Variants in PRKD2 observed in about 807,000 individuals in gnomAD.
The protein encoded by PRKD2 is serine/threonine-protein kinase D2.
In PRKD2, 22 loss-of-function variants were observed where a neutral mutation model predicts 86.0. The observed-to-expected ratio is 0.26, with a 90% CI of 0.18 to 0.37. The LOEUF (loss-of-function observed/expected upper bound fraction) is 0.37, where lower values mean the gene tolerates loss of function less well. Ranked by LOEUF, PRKD2 falls within the 10% of genes least tolerant of loss-of-function variation. The pLI is 1.00. For missense variants in PRKD2, 818 were observed against 1,199.2 expected (o/e 0.68, Z 4.70); for synonymous variants, 509 against 510.9 (o/e 1.00, Z 0.05).
chr19:46,691,692 C>G (rs764138138), intron 12 of PRKD2, 43 bp downstream of exon 12: 1 of 1,600,806 alleles, frequency 6.2e-7, no homozygotes, highest in Non-Finnish European at 8.5e-7. Flanking sequence ...GCAGCTTCCC[C>G]CAGCCCGGGG....
rs150056935 is a variant in PRKD2, at chr19:46,704,539, G to A, written c.622C>T (p.Arg208Cys). 267 of 1,614,124 alleles carry A rather than the reference G, an allele frequency of 1.7e-4. 2 individuals carry two copies. In the African/African-American group the frequency reaches 3.1e-3, roughly 19 times the overall value. ...GGCAGGGACTCGGAGGTGCCGAGGC[G>A]CACCGAGTGGCCACTGGCCAGAGAC... is the stretch of plus-strand genomic sequence containing the variant. ...STSLASGHSV[R>C]LGTSESLPCT... The change falls in exon 4 of 18, where the codon CGC (arginine) becomes TGC (cysteine). Residue 208 changes from arginine (R) to cysteine (C), a missense_variant. By Grantham distance (180) the Arg-to-Cys change is radical (BLOSUM62 -3). Around this residue, in one of 5 missense-constraint regions of PRKD2, gnomAD observed 403 missense variants for 518.6 expected, o/e 0.78. Transcript: ENST00000291281.
chr19:46,701,139 G>C, intron 5 of PRKD2, 27 bp from the exon 6 acceptor site: 1 of 1,607,054 alleles, frequency 6.2e-7, no homozygotes, highest in Non-Finnish European at 8.5e-7. Context: ...CAAGGGAACG[G>C]GTGAGAAGGG....
chr19:46,697,050 G>A, intron 9 of PRKD2, 107 bp downstream of exon 9: 2 of 923,102 alleles, frequency 2.2e-6, no homozygotes, highest in Non-Finnish European at 3.6e-6. Flanking sequence ...GTGGGCAGAG[G>A]GTGTGATTTG....
At chr19:46,700,351 T>C (rs112667889) in intron 7 of PRKD2, among the ~76,000 whole-genome samples, 14,933 of 151,618 alleles carry the variant, frequency 0.098, 1,909 homozygotes, top group African/African-American at 0.3. Context: ...ATCACACCAC[T>C]GCACTCCAGT....
In PRKD2 at chr19:46,711,070, G is replaced by A. The variant is rs535731606; in HGVS notation, c.380-32C>T. The A allele has an allele frequency of 7.1e-6, 11 of 1,555,410 alleles. No homozygotes were observed. In the South Asian group the frequency reaches 1.3e-4, roughly 18 times the overall value. Reference sequence around the variant, plus strand: ...GCGGAAAATAGGGGTGGATGCTTGAGGCGGGGTAGGCCAAAGCTTTTCCAG... The same window carrying A: ...GCGGAAAATAGGGGTGGATGCTTGAAGCGGGGTAGGCCAAAGCTTTTCCAG... On this transcript the variant is annotated intron_variant, in intron 2 of 17. Transcript: ENST00000291281.
At chr19:46,688,439 A>ATTT (rs1232755987) in intron 14 of PRKD2, among the ~76,000 whole-genome samples, 30 of 133,782 alleles carry the variant, frequency 2.2e-4, no homozygotes, top group Non-Finnish European at 3.0e-4. Context: ...TATTATTATT[A>ATTT]TTATTTTTTT....
Position 46,716,428 on chromosome 19 carries a change from C to CA in PRKD2, c.-59_-58insT. 2 of 1,132,986 alleles carry CA rather than the reference C, an allele frequency of 1.8e-6. No individual in the cohort carries two copies. The highest frequency in any genetic ancestry group is 2.4e-6 in the Non-Finnish European group (2 of 843,438). 70.2% of individuals were successfully genotyped at this position (1,132,986 alleles called of 1,614,324 possible). On this transcript the variant is annotated 5_prime_UTR_variant, in exon 1 of 18. Transcript: ENST00000291281. This position sits in a 1 kb window ranked among gnomAD's most constrained non-coding sequence, Gnocchi z 7.9. Reference sequence around the variant, plus strand: ...CACCCGGGACCCGGCCGGGGGGCCCCGGGGGACCCTGGGTTCTAGATCCGC... The same window carrying CA: ...CACCCGGGACCCGGCCGGGGGGCCCCAGGGGGACCCTGGGTTCTAGATCCGC...
In PRKD2 at chr19:46,697,108, T is replaced by C. The variant is rs202007565; in HGVS notation, c.1317+49A>G. The C allele has an allele frequency of 3.5e-6, 5 of 1,446,854 alleles. No homozygotes were observed. In the East Asian group the frequency reaches 9.1e-5, roughly 26 times the overall value. 89.6% of individuals were successfully genotyped at this position (1,446,854 alleles called of 1,614,324 possible). A position where few individuals can be genotyped will look rare whatever the true frequency, so the allele number is the denominator to read the frequency against. On this transcript the variant is annotated intron_variant, in intron 9 of 17. Coordinates refer to ENST00000291281, the MANE Select transcript of PRKD2 (RefSeq NM_016457.5). ...GGGGTAGGAGGAGGTGTGGGAAAGT[T>C]TGTGGGCACAGCGGGAAGTCCGAGG...
chr19:46,714,077 C>T lies in PRKD2; in HGVS notation c.241-76G>A. The T allele has an allele frequency of 2.6e-6, 4 of 1,525,460 alleles. No individual in the cohort carries two copies. The Admixed American group carries it at 7.7e-5, about 29-fold the overall frequency. 94.5% of individuals were successfully genotyped at this position (1,525,460 alleles called of 1,614,324 possible). A position where few individuals can be genotyped will look rare whatever the true frequency, so the allele number is the denominator to read the frequency against. ...AGCAGCGGGCGGACTGTGACCCTCCCAGGGCAGGGCCGGCTGTTTCCCCCG... is the reference window on the plus strand; with the variant it reads ...AGCAGCGGGCGGACTGTGACCCTCCTAGGGCAGGGCCGGCTGTTTCCCCCG... On this transcript the variant is annotated intron_variant, in intron 1 of 17. Transcript: ENST00000291281.
Position 46,678,547 on chromosome 19 carries a change from GTTGTAGCCC to G in PRKD2, c.2178_2186del (p.Gln726_Asn729delinsHis). On this transcript the variant is annotated inframe_deletion, in exon 16 of 18. Coordinates refer to ENST00000291281, the MANE Select transcript of PRKD2 (RefSeq NM_016457.5). This position sits in a 1 kb window ranked among gnomAD's most constrained non-coding sequence, Gnocchi z 5.7. The stretch of plus-strand genomic sequence containing the variant: ...CCACTGACCACATGTCCAGCGAGCG[GTTGTAGCCC>G]TGGTTGAGCAGCACCTCGGGTGCCA... The G allele has an allele frequency of 6.2e-7, 1 of 1,614,228 alleles. No individual in the cohort carries two copies.
At chr19:46,689,768 G>A (rs955757938) in intron 13 of PRKD2, 70 bp from the exon 14 acceptor site, 2 of 1,553,668 alleles carry the variant, frequency 1.3e-6, no homozygotes, top group African/African-American at 1.4e-5. Context: ...TCAGGTATAG[G>A]AGCAGGAGGA....
At chr19:46,701,999 A>G (rs1231732140) in intron 5 of PRKD2, among the ~76,000 whole-genome samples, 1 of 151,620 alleles carries the variant, frequency 6.6e-6, no homozygotes, top group African/African-American at 2.4e-5. Context: ...AGAGTTTACT[A>G]AAAACCTATT....
chr19:46,679,647 C>T (rs1277898585), intron 15 of PRKD2, among the ~76,000 whole-genome samples: 7 of 151,936 alleles, frequency 4.6e-5, no homozygotes, highest in Non-Finnish European at 5.9e-5. Flanking sequence ...TTTTTTGAGA[C>T]GGAGTCTCGC....
At chr19:46,711,235 C>T (rs1355273346) in intron 2 of PRKD2, among the ~76,000 whole-genome samples, 197 bp from the exon 3 acceptor site, 2 of 152,176 alleles carry the variant, frequency 1.3e-5, no homozygotes, top group Admixed American at 6.5e-5. Flanking sequence ...TATATCCCTA[C>T]GCCCTGGGCA....
intron 2 of PRKD2, among the ~76,000 whole-genome samples, chr19:46,711,769 A>G (rs1006588937): frequency 6.6e-6 from 1 of 152,150 alleles, no homozygotes; most frequent in African/African-American, 2.4e-5. Flanking sequence ...CACCAACAAC[A>G]AAAAAGAACA....
chr19:46,702,107 C>T (rs2053645590), intron 5 of PRKD2, among the ~76,000 whole-genome samples: 1 of 149,160 alleles, frequency 6.7e-6, no homozygotes, highest in African/African-American at 2.5e-5. Flanking sequence ...GGCACCATCT[C>T]GGCTCACTGC....
chr19:46,697,617 A>T, intron 8 of PRKD2, 116 bp downstream of exon 8: 1 of 911,064 alleles, frequency 1.1e-6, no homozygotes, highest in Non-Finnish European at 1.7e-6. Context: ...CCAGCCCACT[A>T]CTGGCCCCGC....
intron 14 of PRKD2, chr19:46,685,786 TA>T (rs2053387954): frequency 6.6e-6 from 1 of 152,038 alleles, no homozygotes; most frequent in Admixed American, 6.6e-5. Flanking sequence ...CCATCTCTAC[TA>T]AAATTACAAA....
intron 15 of PRKD2, among the ~76,000 whole-genome samples, chr19:46,681,202 C>T (rs576345657): frequency 4.7e-5 from 7 of 150,528 alleles, no homozygotes; most frequent in South Asian, 2.1e-4. Context: ...GTGAACTGCC[C>T]GCCTCGGCCT....
Sources: gnomAD v4.1 joint callset for allele counts (sites outside exome capture counted in the v4.1 genomes callset) on GRCh38, gnomAD v4.1.1 for gene constraint, gnomAD v4.1.1 regional missense constraint, Gnocchi (gnomAD v3.1) non-coding constraint, MANE v1.5 for transcripts, NCBI Gene and HGNC (gene_info 2026-07-23, HGNC 2026-07-21) for gene names.